The following PSMF1 variants were observed in gnomAD, a reference collection of about 807,000 sequenced individuals.
PSMF1 encodes proteasome inhibitor PI31 subunit.
PSMF1 carries 30 observed loss-of-function variants against 29.3 expected under a neutral mutation model. That is an observed-to-expected ratio of 1.02 (90% CI 0.77 to 1.39). The LOEUF (loss-of-function observed/expected upper bound fraction) is 1.39, where lower values mean the gene tolerates loss of function less well. Among genes scored for constraint, PSMF1 ranks in the 40% most tolerant of loss-of-function variants. The probability of loss-of-function intolerance (pLI) is 0.00; values close to 1 mark genes in which losing one functional copy is unlikely to be tolerated. For missense variants in PSMF1, 344 were observed against 357.5 expected, an observed-to-expected ratio of 0.96 and a Z score of 0.31; for synonymous variants, 134 against 139.7, an observed-to-expected ratio of 0.96 and a Z score of 0.29.
chr20:1,123,068 T>C (rs780234083), intron 1 of PSMF1, among the ~76,000 whole-genome samples: 11 of 152,248 alleles, frequency 7.2e-5, no homozygotes, highest in Non-Finnish European at 1.6e-4. Context: ...ATAGTTTCTT[T>C]TTCGCAGAAG....
At chr20:1,133,570 T>TA (rs1555760108) in intron 3 of PSMF1, among the ~76,000 whole-genome samples, 922 of 63,086 alleles carry the variant, frequency 0.015, 34 homozygotes, top group East Asian at 0.045. Flanking sequence ...TATATATATA[T>TA]TTTTTTTTTT....
At chr20:1,142,693 C>T (rs905118634) in intron 4 of PSMF1, among the ~76,000 whole-genome samples, 2 of 152,124 alleles carry the variant, frequency 1.3e-5, no homozygotes, top group African/African-American at 2.4e-5. Context: ...GGGTTGGTTC[C>T]GAGTCTTTGC....
chr20:1,134,014 G>A (rs945860457), intron 3 of PSMF1, among the ~76,000 whole-genome samples: 4 of 151,498 alleles, frequency 2.6e-5, no homozygotes, highest in Admixed American at 2.6e-4. Flanking sequence ...TGTCAGTCTC[G>A]CCAGGAGTTG....
intron 3 of PSMF1, among the ~76,000 whole-genome samples, chr20:1,129,946 A>G (rs141883371): frequency 6.6e-6 from 1 of 152,378 alleles, no homozygotes; most frequent in East Asian, 1.9e-4. Context: ...AGATGAATGG[A>G]TGAACAAAAT....
chr20:1,121,141 T>A lies in PSMF1; in HGVS notation c.129+2239T>A, dbSNP rs11905427. Among the ~76,000 whole-genome samples, 148 of 140,724 alleles carry A rather than the reference T, an allele frequency of 1.1e-3. 1 individual carries two copies. The highest frequency in any genetic ancestry group is 1.9e-3 in the African/African-American group (73 of 38,778). The allele number at this position is 140,724 out of a possible 152,430, so 92.3% of individuals were successfully genotyped here. On this transcript the variant is annotated intron_variant, in intron 1 of 6. Coordinates refer to ENST00000335877, the MANE Select transcript of PSMF1 (RefSeq NM_006814.5). ...CTCATTTTAATAGTTTTTTTTTTTT[T>A]TAAAAAGGTCCTTGACCAATTCCCC... is the stretch of plus-strand genomic sequence containing the variant.
rs2086701494 is a variant in PSMF1, at chr20:1,164,319, C to T, written c.607C>T (p.Pro203Ser). The change falls in exon 6 of 7, where the codon CCT becomes TCT. Residue 203 changes from proline to serine, a missense_variant and splice_region_variant. Physicochemically the swap from Pro to Ser is moderately conservative, Grantham distance 74. Coordinates refer to ENST00000335877, the MANE Select transcript of PSMF1 (RefSeq NM_006814.5). The surrounding 1 kb of genome is among the most constrained non-coding windows in gnomAD (Gnocchi z 4.1). ...VGGEDLDPFG[P>S]RRGGMIVDPL... ...ACCTAACTTTTCTTCTTGCCTCAGG[C>T]CTCGGAGAGGTGGCATGATTGTGGA... is the stretch of plus-strand genomic sequence containing the variant. 1 of 1,613,460 alleles carries T rather than the reference C, an allele frequency of 6.2e-7. No homozygotes were observed. The highest frequency in any genetic ancestry group is 8.5e-7 in the Non-Finnish European group (1 of 1,179,394).
chr20:1,127,265 C>T, intron 2 of PSMF1, 161 bp from the exon 3 acceptor site: 2 of 775,548 alleles, frequency 2.6e-6, no homozygotes, highest in Non-Finnish European at 4.7e-6. Flanking sequence ...AGAGAAGTCT[C>T]CAAGCCTTAG....
rs1054309482 is a variant in PSMF1, at chr20:1,125,614, C to T, written c.246C>T (p.Ala82=). ...GGTCCAGAAAGCTCCTTGTGAAAGC[C>T]ATCACCGTGGAGAGCAGCATGATCC... ...KDGSRKLLVK[A]ITVESSMILN... The change falls in exon 2 of 7, where the codon GCC becomes GCT. Residue 82 remains alanine (A), a synonymous_variant. Transcript: ENST00000335877. The T allele has an allele frequency of 6.2e-7, 1 of 1,613,916 alleles. No individual in the cohort carries two copies. The highest frequency in any genetic ancestry group is 1.3e-5 in the African/African-American group (1 of 75,028).
At chr20:1,131,208 T>C (rs969254708) in intron 3 of PSMF1, among the ~76,000 whole-genome samples, 1 of 152,248 alleles carries the variant, frequency 6.6e-6, no homozygotes, top group Non-Finnish European at 1.5e-5. Context: ...TGACAAAACC[T>C]GTGGAAGAAC....
At position 1,127,449 on chromosome 20, in the gene PSMF1, A is replaced by G. The variant is rs990532826; in HGVS notation, c.306A>G (p.Ala102=). ...AGGAATATGGCTCACAGCAAGTGGC[A>G]GACTTGACCCTGAACTTGGATGATT... is the stretch of plus-strand genomic sequence containing the variant. ...NVLEYGSQQV[A]DLTLNLDDYI... Residue 102 remains alanine, a synonymous_variant, in exon 3 of 7, where the codon GCA becomes GCG. Transcript: ENST00000335877. 2 of 1,607,850 alleles carry G rather than the reference A, an allele frequency of 1.2e-6. No homozygotes were observed. The highest frequency in any genetic ancestry group is 1.3e-5 in the African/African-American group (1 of 74,820).
chr20:1,126,422 T>C (rs2086157195), intron 2 of PSMF1, among the ~76,000 whole-genome samples: 2 of 152,208 alleles, frequency 1.3e-5, no homozygotes, highest in South Asian at 4.1e-4. Context: ...CATATAGATA[T>C]ACCTTATTTG....
intron 4 of PSMF1, among the ~76,000 whole-genome samples, chr20:1,152,119 C>T (rs767854274): frequency 1.3e-5 from 2 of 151,924 alleles, no homozygotes; most frequent in East Asian, 1.9e-4. Context: ...TGACAGTGGA[C>T]GTGTTAACAT....
chr20:1,122,446 G>A (rs992795346), intron 1 of PSMF1, among the ~76,000 whole-genome samples: 3 of 151,632 alleles, frequency 2.0e-5, no homozygotes, highest in African/African-American at 4.9e-5. Context: ...ACAGGTCCCC[G>A]CCACCATGCC....
intron 3 of PSMF1, among the ~76,000 whole-genome samples, chr20:1,134,162 T>G (rs916131164): frequency 6.6e-6 from 1 of 152,110 alleles, no homozygotes; most frequent in African/African-American, 2.4e-5. Flanking sequence ...TCTAGGTTCT[T>G]TAGGTCAGAA....
intron 4 of PSMF1, among the ~76,000 whole-genome samples, chr20:1,138,356 A>G (rs1263263780): frequency 1.3e-5 from 2 of 152,166 alleles, no homozygotes; most frequent in Non-Finnish European, 2.9e-5. Context: ...TTAAGATACC[A>G]TATCAATAGA....
At chr20:1,153,481 C>G (rs2086556694) in intron 4 of PSMF1, among the ~76,000 whole-genome samples, 1 of 152,050 alleles carries the variant, frequency 6.6e-6, no homozygotes, top group Non-Finnish European at 1.5e-5. Context: ...AATCCATGTT[C>G]TGTGCTTTTA....
intron 3 of PSMF1, among the ~76,000 whole-genome samples, chr20:1,130,109 C>G (rs531240907): frequency 6.6e-6 from 1 of 152,200 alleles, no homozygotes; most frequent in African/African-American, 2.4e-5. Context: ...TTAAAAGTAC[C>G]TAGATTAGTC....
At chr20:1,140,308 A>G (rs1243559232) in intron 4 of PSMF1, among the ~76,000 whole-genome samples, 2 of 152,238 alleles carry the variant, frequency 1.3e-5, no homozygotes, top group Non-Finnish European at 2.9e-5. Flanking sequence ...ATACATTCAT[A>G]GGGAATTGAT....
rs574204066 is a variant in PSMF1, at chr20:1,164,458, T to C, written c.746T>C (p.Ile249Thr). 95 of 1,614,074 alleles carry C rather than the reference T, an allele frequency of 5.9e-5. No homozygotes were observed. The highest frequency in any genetic ancestry group is 5.0e-4 in the Middle Eastern group (3 of 6,060). ...PGARFDPFGPIGTSPPGPNPD... is the reference protein window; with the variant it reads ...PGARFDPFGPTGTSPPGPNPD... ...GCTCGCTTTGACCCCTTTGGACCCATTGGGACCAGCCCACCCGGGTACGTA... is the reference window on the plus strand; with the variant it reads ...GCTCGCTTTGACCCCTTTGGACCCACTGGGACCAGCCCACCCGGGTACGTA... Residue 249 changes from isoleucine (I) to threonine (T), a missense_variant, in exon 6 of 7, where the codon ATT becomes ACT. Transcript: ENST00000335877. The surrounding 1 kb of genome is among the most constrained non-coding windows in gnomAD (Gnocchi z 4.1).
Sources: allele counts gnomAD v4.1 joint callset (sites outside exome capture counted in the v4.1 genomes callset), GRCh38; gene constraint gnomAD v4.1.1; non-coding constraint Gnocchi (gnomAD v3.1); transcripts MANE v1.5; gene names NCBI Gene and HGNC (gene_info 2026-07-23, HGNC 2026-07-21).